Variants in NEFM observed in about 807,000 individuals in gnomAD.
NEFM encodes neurofilament medium chain.
A neutral mutation model predicts 48.1 loss-of-function variants in NEFM; 16 were observed. The ratio of observed to expected loss-of-function variants is 0.33; its 90% CI spans 0.23 to 0.51. NEFM has a LOEUF of 0.51. Ranked by LOEUF, NEFM falls within the 20% of genes least tolerant of loss-of-function variation. The probability of loss-of-function intolerance (pLI) is 0.98; values close to 1 mark genes in which losing one functional copy is unlikely to be tolerated. For synonymous variants in NEFM, 465 were observed against 456.9 expected, an observed-to-expected ratio of 1.02 and a Z score of -0.23; for missense variants, 1,107 against 1,136.0, an observed-to-expected ratio of 0.97 and a Z score of 0.37.
rs749670421 is a variant in NEFM at position 24,917,349 on chromosome 8, A to G, written c.1494A>G (p.Glu498=). Residue 498 remains glutamate (E), a synonymous_variant, in exon 3 of 3, where the codon GAA becomes GAG. Coordinates refer to ENST00000221166, the MANE Select transcript of NEFM (RefSeq NM_005382.2). ...AAGCAGCAGAAGAAAAGGAAGAGGAACCCGAAGCTGAAGAAGAAGAAGTAG... is the reference window on the plus strand; with the variant it reads ...AAGCAGCAGAAGAAAAGGAAGAGGAGCCCGAAGCTGAAGAAGAAGAAGTAG... ...KKEAAEEKEE[E]PEAEEEEVAA... 1.1e-5 allele frequency: 18 copies of G among 1,607,772 alleles called. No individual in the cohort carries two copies. The South Asian group carries it at 1.8e-4, about 16-fold the overall frequency.
intron 1 of NEFM, 140 bp from the exon 2 acceptor site, chr8:24,915,465 G>C (rs533115485): frequency 1.5e-6 from 2 of 1,326,856 alleles, no homozygotes; most frequent in Admixed American, 1.8e-5. Context: ...GGGACGGGGG[G>C]CTGGGAGTCA....
Position 24,914,059 on chromosome 8 carries a change from G to A in NEFM, c.266G>A (p.Gly89Glu). ...QSSSLLNGGS[G>E]PGGDYKLSRS... The stretch of plus-strand genomic sequence containing the variant: ...TCGTCCCTGCTCAACGGCGGCTCCG[G>A]ACCCGGCGGCGACTACAAGCTGTCC... Residue 89 changes from glycine (G) to glutamate (E), a missense_variant, in exon 1 of 3, where the codon GGA becomes GAA. Physicochemically the swap from Gly to Glu is moderately conservative, Grantham distance 98 (BLOSUM62 -2). Transcript: ENST00000221166. 1 of 1,612,838 alleles carries A rather than the reference G, an allele frequency of 6.2e-7. No homozygotes were observed. The highest frequency in any genetic ancestry group is 1.1e-5 in the South Asian group (1 of 91,086).
At position 24,914,728 on chromosome 8, in the gene NEFM, C is replaced by T. The variant is rs1427179870; in HGVS notation, c.935C>T (p.Ser312Phe). 2.5e-6 allele frequency: 4 copies of T among 1,613,722 alleles called. No individual in the cohort carries two copies. The highest frequency in any genetic ancestry group is 3.3e-5 in the Admixed American group (2 of 59,964). The part of the protein sequence containing the change: ...AAEQNKEAIR[S>F]AKEEIAEYRR... ...GAGCAGAACAAGGAGGCCATCCGCT[C>T]CGCCAAGGAAGAGATCGCCGAGTAC... The change falls in exon 1 of 3, where the codon TCC (serine) becomes TTC (phenylalanine). Residue 312 changes from serine to phenylalanine, a missense_variant. By Grantham distance (155) the Ser-to-Phe change is radical. This residue lies in a region of NEFM where 917 missense variants were observed against 916.4 expected (regional missense o/e 1.00). Coordinates refer to ENST00000221166, the MANE Select transcript of NEFM (RefSeq NM_005382.2).
At position 24,914,416 on chromosome 8, in the gene NEFM, A is replaced by T; in HGVS notation, c.623A>T (p.Lys208Ile). ...DTEAAIRALR[K>I]DIEEASLVKV... ...GAGGCGGCCATCCGCGCGCTGCGCA[A>T]AGACATCGAGGAGGCGTCGCTGGTC... The change falls in exon 1 of 3, where the codon AAA (lysine) becomes ATA (isoleucine). Residue 208 changes from lysine (K) to isoleucine (I), a missense_variant. Lys to Ile is a moderately radical substitution (Grantham distance 102, BLOSUM62 -3). Transcript: ENST00000221166. The T allele has an allele frequency of 1.2e-6, 2 of 1,613,660 alleles. No individual in the cohort carries two copies. Among genetic ancestry groups the T allele is most frequent in the Non-Finnish European group, 1.7e-6 (2 of 1,180,010 alleles).
chr8:24,915,251 C>T, intron 1 of NEFM: 1 of 1,270,294 alleles, frequency 7.9e-7, no homozygotes, highest in Non-Finnish European at 1.0e-6. Context: ...ATCGGAAGAG[C>T]TCTCAAAATT....
At position 24,917,943 on chromosome 8, in the gene NEFM, G is replaced by A. The variant is rs749262449; in HGVS notation, c.2088G>A (p.Val696=). The change falls in exon 3 of 3, where the codon GTG becomes GTA. Residue 696 remains valine, a synonymous_variant. Coordinates refer to ENST00000221166, the MANE Select transcript of NEFM (RefSeq NM_005382.2). The part of the protein sequence containing the change: ...PVEEAKSKAE[V]GKGEQKEEEE... ...AAGAGGCAAAGTCAAAAGCAGAAGT[G>A]GGGAAAGGTGAACAGAAAGAGGAAG... 5.0e-6 allele frequency: 8 copies of A among 1,614,018 alleles called. No homozygotes were observed. In the East Asian group the frequency reaches 1.3e-4, roughly 27 times the overall value.
intron 2 of NEFM, among the ~76,000 whole-genome samples, chr8:24,916,447 G>A (rs920590230): frequency 4.6e-5 from 7 of 152,134 alleles, no homozygotes; most frequent in African/African-American, 7.2e-5. Context: ...GGACAAAATC[G>A]TTGATTAAAA....
intron 1 of NEFM, 154 bp downstream of exon 1, chr8:24,915,027 C>T: frequency 7.2e-7 from 1 of 1,391,244 alleles, no homozygotes; most frequent in South Asian, 1.7e-5. Flanking sequence ...TGCGGATCAG[C>T]GTCCTCGCCC....
At chr8:24,916,320 G>A (rs1339569340) in intron 2 of NEFM, among the ~76,000 whole-genome samples, 3 of 152,066 alleles carry the variant, frequency 2.0e-5, no homozygotes, top group Non-Finnish European at 4.4e-5. Context: ...ATACACATAT[G>A]TGCATATGCA....
intron 1 of NEFM, 192 bp downstream of exon 1, chr8:24,915,065 C>T (rs1013838097): frequency 7.3e-7 from 1 of 1,378,824 alleles, no homozygotes; most frequent in Admixed American, 3.7e-5. Flanking sequence ...CCGCCCCCAC[C>T]CACCTGCCCC....
chr8:24,916,715 T>C (rs1281288857), intron 2 of NEFM, among the ~76,000 whole-genome samples: 1 of 152,214 alleles, frequency 6.6e-6, no homozygotes, highest in Admixed American at 6.5e-5. Flanking sequence ...TTTTTGTTTT[T>C]TGCTATTTGG....
In NEFM at chr8:24,914,594, G is replaced by C. The variant is rs779350815; in HGVS notation, c.801G>C (p.Ser267=). The change falls in exon 1 of 3, where the codon TCG becomes TCC. Residue 267 remains serine (S), a synonymous_variant. Transcript: ENST00000221166. ...AAGACTACCTGAAGACAGACATCTC[G>C]ACGGCGCTGAAGGAAATCCGCTCCC... ...ERKDYLKTDI[S]TALKEIRSQL... The C allele has an allele frequency of 5.0e-6, 8 of 1,614,070 alleles. No homozygotes were observed. The African/African-American group carries it at 8.0e-5, about 16-fold the overall frequency.
At chr8:24,916,315 CAT>C (rs201729942) in intron 2 of NEFM, among the ~76,000 whole-genome samples, 2,690 of 152,216 alleles carry the variant, frequency 0.018, 41 homozygotes, top group Non-Finnish European at 0.025. Flanking sequence ...TATAGATACA[CAT>C]ATGTGCATAT....
chr8:24,916,988 C>T (rs963684750), intron 2 of NEFM, 73 bp from the exon 3 acceptor site: 30 of 1,227,980 alleles, frequency 2.4e-5, no homozygotes, highest in Non-Finnish European at 3.5e-5. Context: ...ACCACAATAC[C>T]CAGAATGTAA....
In NEFM at chr8:24,917,055, C is replaced by T; in HGVS notation, c.1206-6C>T. On this transcript the variant is annotated splice_region_variant and splice_polypyrimidine_tract_variant and intron_variant, in intron 2 of 2. Coordinates refer to ENST00000221166, the MANE Select transcript of NEFM (RefSeq NM_005382.2). ...TATGTCTTATGTTCTTGGATTTTCT[C>T]CTTAGAAAACTCCTGGAGGGTGAAG... 6.2e-7 allele frequency: 1 copy of T among 1,613,836 alleles called. No individual in the cohort carries two copies. Among genetic ancestry groups the T allele is most frequent in the Non-Finnish European group, 8.5e-7 (1 of 1,179,744 alleles).
rs1163383683 is a variant in NEFM, at chr8:24,914,600, G to T, written c.807G>T (p.Ala269=). 1.9e-6 allele frequency: 3 copies of T among 1,614,076 alleles called. No homozygotes were observed. Among genetic ancestry groups the T allele is most frequent in the Non-Finnish European group, 2.5e-6 (3 of 1,180,052 alleles). The change falls in exon 1 of 3, where the codon GCG becomes GCT. Residue 269 remains alanine (A), a synonymous_variant. Coordinates refer to ENST00000221166, the MANE Select transcript of NEFM (RefSeq NM_005382.2). ...ACCTGAAGACAGACATCTCGACGGC[G>T]CTGAAGGAAATCCGCTCCCAGCTCG... The part of the protein sequence containing the change: ...KDYLKTDIST[A]LKEIRSQLES...
intron 1 of NEFM, 134 bp from the exon 2 acceptor site, chr8:24,915,471 A>G (rs1338845237): frequency 3.6e-6 from 5 of 1,383,156 alleles, no homozygotes; most frequent in Non-Finnish European, 4.0e-6. Context: ...GGGGGCTGGG[A>G]GTCAGGTGTC....
Position 24,917,368 on chromosome 8 carries a change from G to T in NEFM, c.1513G>T (p.Glu505Ter). Reference sequence around the variant, plus strand: ...AGAGGAACCCGAAGCTGAAGAAGAAGAAGTAGCTGCCAAAAAGTCTCCAGT... The same window carrying T: ...AGAGGAACCCGAAGCTGAAGAAGAATAAGTAGCTGCCAAAAAGTCTCCAGT... ...KEEEPEAEEE[E>*]VAAKKSPVKA... is the part of the protein sequence containing the mutation. Residue 505 changes from glutamate to a stop codon, truncating the protein, a stop_gained, in exon 3 of 3, where the codon GAA (glutamate) becomes TAA (stop). Coordinates refer to ENST00000221166, the MANE Select transcript of NEFM (RefSeq NM_005382.2). LOFTEE classifies it low-confidence loss of function (END_TRUNC). 6.3e-7 allele frequency: 1 copy of T among 1,593,630 alleles called. No homozygotes were observed. The highest frequency in any genetic ancestry group is 8.6e-7 in the Non-Finnish European group (1 of 1,169,292).
Position 24,915,768 on chromosome 8 carries a change from G to T in NEFM, c.1205+39G>T, listed in dbSNP as rs776101701. 14 of 1,613,474 alleles carry T rather than the reference G, an allele frequency of 8.7e-6. No individual in the cohort carries two copies. The South Asian group carries it at 1.4e-4, about 16-fold the overall frequency. ...TACGTGCGTGGCCGGAACACTAACC[G>T]CAGTGCAGAGGCTGTTCCGGCAGAG... On this transcript the variant is annotated intron_variant, in intron 2 of 2. Transcript: ENST00000221166.
Sources: gnomAD v4.1 joint callset for allele counts (sites outside exome capture counted in the v4.1 genomes callset) on GRCh38, gnomAD v4.1.1 for gene constraint, gnomAD v4.1.1 regional missense constraint, MANE v1.5 for transcripts, NCBI Gene and HGNC (gene_info 2026-07-23, HGNC 2026-07-21) for gene names.